The following MTHFD1L variants were observed in gnomAD, a reference collection of about 807,000 sequenced individuals.
MTHFD1L encodes monofunctional C1-tetrahydrofolate synthase, mitochondrial.
Under a neutral mutation model 119.5 loss-of-function variants are expected in MTHFD1L, and 81 were observed. That is an observed-to-expected ratio of 0.68 (90% CI 0.57 to 0.82). The LOEUF is 0.82. MTHFD1L is among the 40% of genes least tolerant of loss of function. The probability of loss-of-function intolerance (pLI) is 0.00; values close to 1 mark genes in which losing one functional copy is unlikely to be tolerated. For synonymous variants in MTHFD1L, 430 were observed against 475.2 expected, an observed-to-expected ratio of 0.90 and a Z score of 1.24; for missense variants, 1,125 against 1,253.4, an observed-to-expected ratio of 0.90 and a Z score of 1.55.
chr6:150,993,423 C>T (rs1010882575), intron 20 of MTHFD1L, among the ~76,000 whole-genome samples: 5 of 151,918 alleles, frequency 3.3e-5, no homozygotes, highest in Admixed American at 3.3e-4. Context: ...CAGGCTCAAG[C>T]GATTCTTGTG....
intron 18 of MTHFD1L, among the ~76,000 whole-genome samples, chr6:150,964,350 T>G (rs1796892176): frequency 6.6e-6 from 1 of 152,138 alleles, no homozygotes; most frequent in African/African-American, 2.4e-5. Flanking sequence ...CTTCCTAGGA[T>G]TGGAAGGAAG....
intron 20 of MTHFD1L, among the ~76,000 whole-genome samples, chr6:150,981,592 C>G (rs751641239): frequency 1.3e-5 from 2 of 152,168 alleles, no homozygotes; most frequent in Non-Finnish European, 2.9e-5. Flanking sequence ...ATGGCAAGAT[C>G]ATAAATAGTT....
chr6:150,995,554 A>G (rs963266923), intron 20 of MTHFD1L, among the ~76,000 whole-genome samples: 3 of 151,974 alleles, frequency 2.0e-5, no homozygotes, highest in African/African-American at 7.2e-5. Flanking sequence ...CATCTCAAGG[A>G]CATCATTCCT....
intron 1 of MTHFD1L, among the ~76,000 whole-genome samples, chr6:150,872,745 G>T (rs11753070): frequency 2.6e-5 from 4 of 151,790 alleles, no homozygotes; most frequent in African/African-American, 9.7e-5. Context: ...GAAAAACACA[G>T]TATCTGTAAA....
At chr6:150,996,589 A>C (rs1779834653) in intron 20 of MTHFD1L, among the ~76,000 whole-genome samples, 1 of 152,046 alleles carries the variant, frequency 6.6e-6, no homozygotes, top group South Asian at 2.1e-4. Flanking sequence ...CCCATATATT[A>C]CATTTGTGGA....
At chr6:150,917,225 G>T (rs372857752) in intron 8 of MTHFD1L, among the ~76,000 whole-genome samples, 10 of 151,890 alleles carry the variant, frequency 6.6e-5, no homozygotes, top group African/African-American at 2.4e-4. Flanking sequence ...GTACAGTAAA[G>T]ATTTTAGAGC....
chr6:150,875,466 T>C (rs1277066662), intron 1 of MTHFD1L, among the ~76,000 whole-genome samples: 3 of 152,064 alleles, frequency 2.0e-5, no homozygotes, highest in Non-Finnish European at 4.4e-5. Context: ...TGTTGTGGAT[T>C]CTCAGAGGAC....
intron 20 of MTHFD1L, among the ~76,000 whole-genome samples, chr6:150,983,873 C>T (rs960934555): frequency 6.6e-6 from 1 of 152,110 alleles, no homozygotes; most frequent in African/African-American, 2.4e-5. Context: ...TGGGCTCGAG[C>T]GATCCTCCCA....
At chr6:151,064,965 C>G (rs1791075110) in intron 26 of MTHFD1L, among the ~76,000 whole-genome samples, 1 of 151,910 alleles carries the variant, frequency 6.6e-6, no homozygotes, top group Non-Finnish European at 1.5e-5. Flanking sequence ...CTACGCCCAG[C>G]TAATTTGCTT....
intron 21 of MTHFD1L, among the ~76,000 whole-genome samples, chr6:151,012,917 G>A (rs1202714680): frequency 5.3e-5 from 8 of 152,124 alleles, no homozygotes; most frequent in Admixed American, 4.6e-4. Context: ...TACTCAAAAA[G>A]GCCTTTGACT....
chr6:151,087,115 G>C (rs371492162), intron 26 of MTHFD1L, among the ~76,000 whole-genome samples: 2 of 152,062 alleles, frequency 1.3e-5, no homozygotes, highest in Non-Finnish European at 2.9e-5. Context: ...CAGGCATGGC[G>C]GCGGGCACCT....
At chr6:150,960,228 C>T in intron 17 of MTHFD1L, 47 bp from the exon 18 acceptor site, 2 of 1,556,314 alleles carry the variant, frequency 1.3e-6, no homozygotes, top group Non-Finnish European at 1.7e-6. Context: ...GAATGGCCAT[C>T]CCACTGGCAC....
In MTHFD1L at chr6:150,922,179, T is replaced by C. The variant is rs1418624057; in HGVS notation, c.985-26T>C. The C allele has an allele frequency of 9.6e-6, 15 of 1,562,972 alleles. No homozygotes were observed. The Admixed American group carries it at 2.2e-4, about 23-fold the overall frequency. On this transcript the variant is annotated intron_variant, in intron 9 of 27. Transcript: ENST00000367321. ...CCTGTCAGCTTTTACCATTCTAACA[T>C]GTTTTCCCCTCTATCCCTGCTGAAG... is the stretch of plus-strand genomic sequence containing the variant.
chr6:150,963,442 A>G (rs980515815), intron 18 of MTHFD1L, among the ~76,000 whole-genome samples: 1 of 152,270 alleles, frequency 6.6e-6, no homozygotes, highest in African/African-American at 2.4e-5. Context: ...ATCATTCCAC[A>G]GCATATACTT....
chr6:150,977,814 C>G (rs1695053517), intron 20 of MTHFD1L, among the ~76,000 whole-genome samples: 1 of 151,862 alleles, frequency 6.6e-6, no homozygotes, highest in African/African-American at 2.4e-5. Context: ...TCACCAGCCA[C>G]TGGTGGACTC....
intron 17 of MTHFD1L, 57 bp from the exon 18 acceptor site, chr6:150,960,218 G>A: frequency 6.5e-7 from 1 of 1,544,790 alleles, no homozygotes. Flanking sequence ...CTCCTTGTGG[G>A]AATGGCCATC....
chr6:150,951,151 C>A (rs1794824541), intron 16 of MTHFD1L, among the ~76,000 whole-genome samples: 1 of 151,594 alleles, frequency 6.6e-6, no homozygotes, highest in Non-Finnish European at 1.5e-5. Flanking sequence ...ATTCTCCTGC[C>A]TCAGCCTCCT....
chr6:151,033,889 A>C (rs1785711780), intron 24 of MTHFD1L, among the ~76,000 whole-genome samples: 1 of 152,130 alleles, frequency 6.6e-6, no homozygotes. Flanking sequence ...AAATTATAGT[A>C]AACAGGCCAG....
At chr6:151,074,488 AT>A (rs1163965282) in intron 26 of MTHFD1L, among the ~76,000 whole-genome samples, 4 of 152,248 alleles carry the variant, frequency 2.6e-5, no homozygotes, top group Non-Finnish European at 5.9e-5. Context: ...AAATAGAAGC[AT>A]GCTTTTGTAA....
Sources: allele counts gnomAD v4.1 joint callset (sites outside exome capture counted in the v4.1 genomes callset), GRCh38; gene constraint gnomAD v4.1.1; transcripts MANE v1.5; gene names NCBI Gene and HGNC (gene_info 2026-07-23, HGNC 2026-07-21).